The following ZNF546 variants were observed in gnomAD, a reference collection of about 807,000 sequenced individuals.
ZNF546 encodes zinc finger protein 546.
ZNF546 carries 60 observed loss-of-function variants against 76.2 expected under a neutral mutation model. The ratio of observed to expected loss-of-function variants is 0.79; its 90% CI spans 0.64 to 0.98. The LOEUF (loss-of-function observed/expected upper bound fraction) is 0.98, where lower values mean the gene tolerates loss of function less well. Ranked by LOEUF, ZNF546 falls within the 50% of genes least tolerant of loss-of-function variation. The probability of loss-of-function intolerance (pLI) is 0.00; values close to 1 mark genes in which losing one functional copy is unlikely to be tolerated. For missense variants in ZNF546, 936 were observed against 1,035.6 expected, an observed-to-expected ratio of 0.90 and a Z score of 1.32; for synonymous variants, 277 against 328.1, an observed-to-expected ratio of 0.84 and a Z score of 1.68.
chr19:40,008,404 C>A, intron 5 of ZNF546, 66 bp from the exon 6 acceptor site: 2 of 1,246,634 alleles, frequency 1.6e-6, no homozygotes, highest in Non-Finnish European at 1.1e-6. Flanking sequence ...TCTGAATTGT[C>A]ATTTCAAGGT....
chr19:39,998,431 G>C (rs757423299), intron 3 of ZNF546, 21 bp downstream of exon 3: 2 of 1,592,900 alleles, frequency 1.3e-6, no homozygotes. Context: ...GCATATCCTG[G>C]AGTCTAAAGT....
At chr19:40,007,065 A>G (rs1971611940) in intron 4 of ZNF546, among the ~76,000 whole-genome samples, 1 of 152,198 alleles carries the variant, frequency 6.6e-6, no homozygotes, top group South Asian at 2.1e-4. Flanking sequence ...GTGCTTATTT[A>G]TGCTATTTCA....
rs142516758 is a variant in ZNF546, at chr19:39,997,620, T to C, written c.-134-241T>C. Among the ~76,000 whole-genome samples the C allele has an allele frequency of 5.3e-3, 808 of 152,222 alleles. 10 individuals are homozygous for C. Among genetic ancestry groups the C allele is most frequent in the African/African-American group, 0.015 (627 of 41,490 alleles). ...GACGACAGGTTGGAAGACTGCGCAGTTGGAGCCGCTGTGTGGGCAGCTGCA... is the reference window on the plus strand; with the variant it reads ...GACGACAGGTTGGAAGACTGCGCAGCTGGAGCCGCTGTGTGGGCAGCTGCA... On this transcript the variant is annotated intron_variant, in intron 1 of 6. Transcript: ENST00000347077.
Position 40,018,207 on chromosome 19 carries a change from T to A in ZNF546, c.*2426T>A, listed in dbSNP as rs1971804714. 6.6e-6 allele frequency: 1 copy of A among 152,148 alleles called. No individual in the cohort carries two copies. Among genetic ancestry groups the A allele is most frequent in the Admixed American group, 6.6e-5 (1 of 15,244 alleles). The allele number at this position is 152,148 out of a possible 1,614,324, so 9.4% of individuals were successfully genotyped here. ...GGACGGTCTCGATCTCCTGACCTGGTGATCTGCCCGCCTCAGCCTCCCAAA... is the reference window on the plus strand; with the variant it reads ...GGACGGTCTCGATCTCCTGACCTGGAGATCTGCCCGCCTCAGCCTCCCAAA... On this transcript the variant is annotated 3_prime_UTR_variant, in exon 7 of 7. Transcript: ENST00000347077.
chr19:40,008,367 C>T (rs1971632660), intron 5 of ZNF546, 103 bp from the exon 6 acceptor site: 6 of 771,594 alleles, frequency 7.8e-6, no homozygotes, highest in Non-Finnish European at 1.2e-5. Flanking sequence ...CCATTTTCAC[C>T]TGCAGTTTCT....
chr19:39,998,987 G>A (rs550277364), intron 3 of ZNF546, among the ~76,000 whole-genome samples: 7 of 152,228 alleles, frequency 4.6e-5, no homozygotes, highest in Middle Eastern at 3.4e-3. Flanking sequence ...TGGCCACGCT[G>A]GTCTGGAACT....
chr19:40,003,833 G>A (rs913567156), intron 3 of ZNF546, among the ~76,000 whole-genome samples: 28 of 151,810 alleles, frequency 1.8e-4, no homozygotes, highest in African/African-American at 6.0e-4. Context: ...CCAACATGGC[G>A]AAACCCTGTC....
intron 3 of ZNF546, among the ~76,000 whole-genome samples, chr19:40,000,632 A>G (rs1044610386): frequency 6.6e-6 from 1 of 151,138 alleles, no homozygotes; most frequent in Non-Finnish European, 1.5e-5. Flanking sequence ...AAAAAAAAAA[A>G]AGAAAAAGAA....
At chr19:40,004,108 T>TTA (rs1020639495) in intron 3 of ZNF546, among the ~76,000 whole-genome samples, 1 of 140,418 alleles carries the variant, frequency 7.1e-6, no homozygotes, top group Non-Finnish European at 1.5e-5. Flanking sequence ...TAAATATATA[T>TTA]TATATATATA....
In ZNF546 at chr19:40,015,100, A is replaced by G. The variant is rs775211188; in HGVS notation, c.1830A>G (p.Ile610Met). 1 of 1,614,068 alleles carries G rather than the reference A, an allele frequency of 6.2e-7. No individual in the cohort carries two copies. Among genetic ancestry groups the G allele is most frequent in the Admixed American group, 1.7e-5 (1 of 60,024 alleles). Residue 610 changes from isoleucine (I) to methionine (M), a missense_variant, in exon 7 of 7, where the codon ATA (isoleucine) becomes ATG (methionine). By Grantham distance (10) the Ile-to-Met change is conservative (BLOSUM62 1). Transcript: ENST00000347077. ...FKIHTGEKPY[I>M]CNECGKAFRF... ...TTCATACTGGTGAAAAACCCTACAT[A>G]TGTAATGAATGTGGGAAAGCCTTTC...
chr19:40,020,600 A>G lies in ZNF546; in HGVS notation c.*4819A>G, dbSNP rs895069361. Reference sequence around the variant, plus strand: ...GTTTTGAATACTAAATCCCTTTTTTAAAAAAGTGCTTATTATCAGGCTATC... The same window carrying G: ...GTTTTGAATACTAAATCCCTTTTTTGAAAAAGTGCTTATTATCAGGCTATC... On this transcript the variant is annotated 3_prime_UTR_variant, in exon 7 of 7. Transcript: ENST00000347077. 1 of 152,070 alleles carries G rather than the reference A, an allele frequency of 6.6e-6. No individual in the cohort carries two copies. Among genetic ancestry groups the G allele is most frequent in the East Asian group, 1.9e-4 (1 of 5,204 alleles). 9.4% of individuals were successfully genotyped at this position (152,070 alleles called of 1,614,324 possible).
In ZNF546 at chr19:40,007,273, G is replaced by A. The variant is rs780563508; in HGVS notation, c.172-1G>A. 2 of 1,534,086 alleles carry A rather than the reference G, an allele frequency of 1.3e-6. No individual in the cohort carries two copies. The highest frequency in any genetic ancestry group is 4.7e-5 in the East Asian group (2 of 42,398). ...TTTAATACATAGGCTTGTCATTTCA[G>A]GTATCTTTGGCATTTAGGGATGTGT... On this transcript the variant is annotated splice_acceptor_variant, in intron 4 of 6. Transcript: ENST00000347077. LOFTEE classifies it high-confidence loss of function.
chr19:40,008,693 T>C (rs1971636819), intron 6 of ZNF546, 128 bp downstream of exon 6: 1 of 572,540 alleles, frequency 1.7e-6, no homozygotes, highest in Non-Finnish European at 3.0e-6. Flanking sequence ...GAAAAAGGAC[T>C]GATACCTGGG....
In ZNF546 at chr19:40,016,128, G is replaced by T; in HGVS notation, c.*347G>T. 3.7e-6 allele frequency: 1 copy of T among 266,858 alleles called. No individual in the cohort carries two copies. Among genetic ancestry groups the T allele is most frequent in the Non-Finnish European group, 7.3e-6 (1 of 137,624 alleles). 16.5% of individuals were successfully genotyped at this position (266,858 alleles called of 1,614,324 possible). A position where few individuals can be genotyped will look rare whatever the true frequency, so the allele number is the denominator to read the frequency against. On this transcript the variant is annotated 3_prime_UTR_variant, in exon 7 of 7. Transcript: ENST00000347077. ...AAGACAGGAGTTCGAAACCAGCCTG[G>T]GCAACATAGTGAGACCCTGCCTCAT...
At chr19:40,004,948 A>G (rs1421158815) in intron 3 of ZNF546, among the ~76,000 whole-genome samples, 2 of 149,188 alleles carry the variant, frequency 1.3e-5, no homozygotes, top group Non-Finnish European at 3.0e-5. Context: ...ACCTCCCTGC[A>G]TGCATCTTTT....
In ZNF546 at chr19:40,017,824, C is replaced by G. The variant is rs1971793603; in HGVS notation, c.*2043C>G. 6.6e-6 allele frequency: 1 copy of G among 152,052 alleles called. No homozygotes were observed. Among genetic ancestry groups the G allele is most frequent in the Non-Finnish European group, 1.5e-5 (1 of 68,006 alleles). The allele number at this position is 152,052 out of a possible 1,614,324, so 9.4% of individuals were successfully genotyped here. A position where few individuals can be genotyped will look rare whatever the true frequency, so the allele number is the denominator to read the frequency against. On this transcript the variant is annotated 3_prime_UTR_variant, in exon 7 of 7. Transcript: ENST00000347077. ...CTGTGTTCATATTCTCAGTTGTGTT[C>G]ATTCTTTTCATTTGTGTAAACAATG... is the stretch of plus-strand genomic sequence containing the variant.
intron 4 of ZNF546, among the ~76,000 whole-genome samples, chr19:40,006,447 G>A (rs1971603369): frequency 6.6e-6 from 1 of 152,192 alleles, no homozygotes; most frequent in Non-Finnish European, 1.5e-5. Flanking sequence ...GAGGCTTAGA[G>A]GACTAGGCTG....
chr19:40,000,787 C>T (rs573896498), intron 3 of ZNF546, among the ~76,000 whole-genome samples: 2 of 152,166 alleles, frequency 1.3e-5, no homozygotes, highest in Admixed American at 6.6e-5. Context: ...GGCACCAGGA[C>T]TGGTTTCATG....
In ZNF546 at chr19:40,013,725, A is replaced by G. The variant is rs541073929; in HGVS notation, c.455A>G (p.Tyr152Cys). The stretch of plus-strand genomic sequence containing the variant: ...TCAGAAAAGAATGTTTGCAAAATCT[A>G]TTTATCTCAATTGCAGACAGGGGAA... ...LLSEKNVCKI[Y>C]LSQLQTGEKS... Residue 152 changes from tyrosine (Y) to cysteine (C), a missense_variant, in exon 7 of 7, where the codon TAT (tyrosine) becomes TGT (cysteine). Coordinates refer to ENST00000347077, the MANE Select transcript of ZNF546 (RefSeq NM_178544.5). The G allele has an allele frequency of 3.8e-6, 6 of 1,597,014 alleles. No individual in the cohort carries two copies. Among genetic ancestry groups the G allele is most frequent in the African/African-American group, 1.4e-5 (1 of 71,528 alleles).
Sources: gnomAD v4.1 joint callset for allele counts (sites outside exome capture counted in the v4.1 genomes callset) on GRCh38, gnomAD v4.1.1 for gene constraint, MANE v1.5 for transcripts, NCBI Gene and HGNC (gene_info 2026-07-23, HGNC 2026-07-21) for gene names.